DDAH1: variants seen among roughly 807,000 people sequenced by gnomAD.
The protein encoded by DDAH1 is dimethylarginine dimethylaminohydrolase 1, also known as N(G),N(G)-dimethylarginine dimethylaminohydrolase 1.
In DDAH1, 19 loss-of-function variants were observed where a neutral mutation model predicts 28.8. That is an observed-to-expected ratio of 0.66 (90% CI 0.46 to 0.97). The LOEUF (loss-of-function observed/expected upper bound fraction) is 0.97. Ranked by LOEUF, DDAH1 falls within the 50% of genes least tolerant of loss-of-function variation. The pLI is 0.00. For missense variants in DDAH1, 326 were observed against 375.9 expected, an observed-to-expected ratio of 0.87 and a Z score of 1.10; for synonymous variants, 153 against 154.4, an observed-to-expected ratio of 0.99 and a Z score of 0.07.
intron 1 of DDAH1, among the ~76,000 whole-genome samples, chr1:85,446,764 G>A (rs563535726): frequency 6.6e-6 from 1 of 152,114 alleles, no homozygotes; most frequent in Non-Finnish European, 1.5e-5. Flanking sequence ...TCATGGAGAT[G>A]TATCAAGTTT....
intron 4 of DDAH1, among the ~76,000 whole-genome samples, chr1:85,342,722 G>C (rs1648581109): frequency 6.6e-6 from 1 of 152,090 alleles, no homozygotes. Context: ...AAAAACGTTG[G>C]CTTCTTCAGG....
At chr1:85,402,161 ATT>A (rs11365834) in intron 1 of DDAH1, among the ~76,000 whole-genome samples, 2,503 of 120,372 alleles carry the variant, frequency 0.021, 63 homozygotes, top group East Asian at 0.13. Context: ...TAATACTTCT[ATT>A]TTTTTTTTTT....
chr1:85,321,427 C>G lies in DDAH1; in HGVS notation c.*25G>C. ...ATCGGCCTTGCCTGTGCGGTCTTGCCGGCTACCGGGGGGGACTCTGCAGCT... is the reference window on the plus strand; with the variant it reads ...ATCGGCCTTGCCTGTGCGGTCTTGCGGGCTACCGGGGGGGACTCTGCAGCT... On this transcript the variant is annotated 3_prime_UTR_variant, in exon 6 of 6. Transcript: ENST00000284031. 6.5e-7 allele frequency: 1 copy of G among 1,537,360 alleles called. No individual in the cohort carries two copies. Among genetic ancestry groups the G allele is most frequent in the Non-Finnish European group, 9.0e-7 (1 of 1,110,536 alleles).
intron 1 of DDAH1, among the ~76,000 whole-genome samples, chr1:85,370,102 G>C (rs753278537): frequency 1.3e-5 from 2 of 152,112 alleles, no homozygotes; most frequent in Non-Finnish European, 2.9e-5. Flanking sequence ...TTAGAGATGG[G>C]GTCTTTAGAG....
At chr1:85,344,986 G>C (rs1306729622) in intron 4 of DDAH1, among the ~76,000 whole-genome samples, 1 of 152,150 alleles carries the variant, frequency 6.6e-6, no homozygotes, top group Non-Finnish European at 1.5e-5. Context: ...GTCAATCATA[G>C]CCTACTTCCA....
At chr1:85,550,919 A>G (rs1016046652) in intron 1 of DDAH1, among the ~76,000 whole-genome samples, 3 of 152,192 alleles carry the variant, frequency 2.0e-5, no homozygotes, top group Non-Finnish European at 4.4e-5. Flanking sequence ...GTTCTTGGTA[A>G]AAAGGAAAAC....
intron 1 of DDAH1, among the ~76,000 whole-genome samples, chr1:85,361,906 G>C (rs549477172): frequency 6.6e-6 from 1 of 152,092 alleles, no homozygotes; most frequent in East Asian, 1.9e-4. Context: ...GGCTCCTTCT[G>C]GTCATTAAAT....
chr1:85,566,353 G>A (rs1659300036), intron 1 of DDAH1, among the ~76,000 whole-genome samples: 1 of 151,766 alleles, frequency 6.6e-6, no homozygotes, highest in Non-Finnish European at 1.5e-5. Context: ...TTATCTGGGT[G>A]TGGTGGTGCA....
At chr1:85,443,720 G>A (rs899401770) in intron 1 of DDAH1, among the ~76,000 whole-genome samples, 14 of 152,152 alleles carry the variant, frequency 9.2e-5, no homozygotes, top group Admixed American at 7.9e-4. Flanking sequence ...TCCTTGAAGA[G>A]GTCCTTCACA....
At chr1:85,463,633 G>A (rs1427890804) in intron 1 of DDAH1, among the ~76,000 whole-genome samples, 1 of 152,236 alleles carries the variant, frequency 6.6e-6, no homozygotes, top group Non-Finnish European at 1.5e-5. Context: ...CTCAGACCAT[G>A]TGGCATTCCA....
intron 4 of DDAH1, among the ~76,000 whole-genome samples, chr1:85,336,508 T>TA (rs1648131793): frequency 6.6e-6 from 1 of 151,640 alleles, no homozygotes; most frequent in Admixed American, 6.6e-5. Context: ...GGAAACAACT[T>TA]ACCAAAACCT....
chr1:85,408,921 A>G (rs1224228525), intron 1 of DDAH1, among the ~76,000 whole-genome samples: 1 of 152,170 alleles, frequency 6.6e-6, no homozygotes, highest in Non-Finnish European at 1.5e-5. Context: ...AAAGCTGAAT[A>G]GAACACACAC....
intron 1 of DDAH1, among the ~76,000 whole-genome samples, chr1:85,527,929 G>A (rs1657929783): frequency 6.6e-6 from 1 of 152,088 alleles, no homozygotes; most frequent in African/African-American, 2.4e-5. Context: ...ACATATGGGA[G>A]TACATTTTGC....
chr1:85,472,083 A>G (rs1655636693), intron 2 of DDAH1, among the ~76,000 whole-genome samples: 1 of 152,236 alleles, frequency 6.6e-6, no homozygotes, highest in South Asian at 2.1e-4. Flanking sequence ...CCAAAGCCAG[A>G]CATAAAACCT....
At chr1:85,559,158 T>C (rs1482974761) in intron 1 of DDAH1, among the ~76,000 whole-genome samples, 2 of 152,142 alleles carry the variant, frequency 1.3e-5, no homozygotes, top group Non-Finnish European at 2.9e-5. Flanking sequence ...CTCTGACCAT[T>C]GCTTTTGAAA....
intron 1 of DDAH1, chr1:85,376,628 T>C (rs79462914): frequency 6.7e-6 from 1 of 148,378 alleles, no homozygotes; most frequent in Non-Finnish European, 1.5e-5. Flanking sequence ...AGAATGGTCT[T>C]TTTTTTTTTA....
At chr1:85,558,778 G>C (rs1226050865) in intron 1 of DDAH1, among the ~76,000 whole-genome samples, 1 of 152,096 alleles carries the variant, frequency 6.6e-6, no homozygotes, top group African/African-American at 2.4e-5. Flanking sequence ...GGAGATAAAT[G>C]CTATTACCAA....
intron 1 of DDAH1, among the ~76,000 whole-genome samples, chr1:85,462,750 C>T (rs928169211): frequency 2.6e-5 from 4 of 152,196 alleles, no homozygotes; most frequent in African/African-American, 7.2e-5. Context: ...TATTCCTCTC[C>T]CTGCCTGGGA....
chr1:85,346,774 T>C (rs1486470978), intron 4 of DDAH1, among the ~76,000 whole-genome samples: 2 of 152,176 alleles, frequency 1.3e-5, no homozygotes, highest in African/African-American at 4.8e-5. Flanking sequence ...TTAGATCTAA[T>C]TAAATGAAGG....
Sources: gnomAD v4.1 joint callset for allele counts (sites outside exome capture counted in the v4.1 genomes callset) on GRCh38, gnomAD v4.1.1 for gene constraint, MANE v1.5 for transcripts, NCBI Gene and HGNC (gene_info 2026-07-23, HGNC 2026-07-21) for gene names.